The following ENPP6 variants were observed in gnomAD, a reference collection of about 807,000 sequenced individuals.
ENPP6 encodes the protein ectonucleotide pyrophosphatase/phosphodiesterase 6, also known as glycerophosphocholine cholinephosphodiesterase ENPP6.
A neutral mutation model predicts 42.0 loss-of-function variants in ENPP6; 32 were observed. That is an observed-to-expected ratio of 0.76 (90% CI 0.58 to 1.02). ENPP6 has a LOEUF of 1.02. Ranked by LOEUF, ENPP6 falls within the 50% of genes least tolerant of loss-of-function variation. ENPP6 has a pLI of 0.00. For synonymous variants in ENPP6, 213 were observed against 216.0 expected (o/e 0.99, Z 0.12); for missense variants, 552 against 566.8 (o/e 0.97, Z 0.27).
chr4:184,131,187 T>TCTGTCTG (rs1736611313), intron 2 of ENPP6, among the ~76,000 whole-genome samples: 1 of 65,218 alleles, frequency 1.5e-5, no homozygotes, highest in African/African-American at 6.7e-5. Flanking sequence ...CTTTCTTTCT[T>TCTGTCTG]TCTTTCTTTC....
chr4:184,177,893 G>T (rs958806840), intron 1 of ENPP6, among the ~76,000 whole-genome samples: 1 of 151,530 alleles, frequency 6.6e-6, no homozygotes, highest in Non-Finnish European at 1.5e-5. Context: ...AAGACTGAAG[G>T]CAGATAAAGT....
At chr4:184,188,773 C>T (rs1190681593) in intron 1 of ENPP6, among the ~76,000 whole-genome samples, 2 of 152,076 alleles carry the variant, frequency 1.3e-5, no homozygotes, top group Non-Finnish European at 2.9e-5. Flanking sequence ...GTCTCACGCT[C>T]ACACATGAGA....
chr4:184,167,890 C>T (rs1480238826), intron 1 of ENPP6, among the ~76,000 whole-genome samples: 1 of 152,176 alleles, frequency 6.6e-6, no homozygotes, highest in African/African-American at 2.4e-5. Context: ...TATAATCCTC[C>T]TTGGGTGCTC....
chr4:184,131,539 T>C (rs1406197667), intron 2 of ENPP6, among the ~76,000 whole-genome samples: 1 of 149,876 alleles, frequency 6.7e-6, no homozygotes, highest in Admixed American at 6.7e-5. Flanking sequence ...TTTTTTTGTA[T>C]TTTTAGTACA....
chr4:184,112,902 G>A, intron 5 of ENPP6, 93 bp from the exon 6 acceptor site: 2 of 1,334,034 alleles, frequency 1.5e-6, no homozygotes, highest in African/African-American at 1.5e-5. Context: ...TTACGTATAA[G>A]ACCAAAGAAA....
At chr4:184,205,504 G>A (rs977367401) in intron 1 of ENPP6, among the ~76,000 whole-genome samples, 6 of 152,364 alleles carry the variant, frequency 3.9e-5, no homozygotes, top group Middle Eastern at 3.4e-3. Flanking sequence ...TGGTGGGAGC[G>A]AGGCCCCGAA....
At chr4:184,198,412 C>T (rs1732838851) in intron 1 of ENPP6, among the ~76,000 whole-genome samples, 1 of 152,184 alleles carries the variant, frequency 6.6e-6, no homozygotes, top group Admixed American at 6.5e-5. Context: ...AAATGGGAGC[C>T]CTTCCGAGGC....
In ENPP6 at chr4:184,217,759, AG is replaced by A; in HGVS notation, c.60del (p.Ser21LeufsTer34). On this transcript the variant is annotated frameshift_variant, in exon 1 of 8. Transcript: ENST00000296741. LOFTEE classifies it high-confidence loss of function. ...LALALGLAQP[A>X]SARRKLLVFL... ...AACACCAGCAGCTTCCGGCGGGCAG[AG>A]GCTGGCTGGGCCAGGCCCAGGGCAA... The A allele has an allele frequency of 6.2e-7, 1 of 1,614,096 alleles. No homozygotes were observed.
intron 1 of ENPP6, among the ~76,000 whole-genome samples, chr4:184,197,988 C>T (rs1056375707): frequency 2.0e-5 from 3 of 152,030 alleles, no homozygotes; most frequent in Admixed American, 6.6e-5. Flanking sequence ...GTGTTGCTGT[C>T]GGCCTTAAGG....
chr4:184,211,510 C>T (rs2111125157), intron 1 of ENPP6, among the ~76,000 whole-genome samples: 2 of 152,306 alleles, frequency 1.3e-5, no homozygotes, highest in South Asian at 2.1e-4. Context: ...CATTCCTCGA[C>T]ACATACACTC....
intron 1 of ENPP6, among the ~76,000 whole-genome samples, chr4:184,180,396 C>T (rs1163202201): frequency 6.6e-6 from 1 of 152,114 alleles, no homozygotes; most frequent in African/African-American, 2.4e-5. Flanking sequence ...AAGCCCAGGA[C>T]CAGACAGATT....
intron 2 of ENPP6, among the ~76,000 whole-genome samples, chr4:184,130,483 G>A (rs1256681814): frequency 1.2e-5 from 1 of 80,390 alleles, no homozygotes; most frequent in Admixed American, 1.0e-4. Flanking sequence ...GCGTGAACCC[G>A]GGAGGCGGAG....
At chr4:184,104,135 A>C (rs13132377) in intron 6 of ENPP6, among the ~76,000 whole-genome samples, 1 of 152,040 alleles carries the variant, frequency 6.6e-6, no homozygotes, top group Non-Finnish European at 1.5e-5. Flanking sequence ...GCAGCTTCCC[A>C]CCCCACATCT....
At chr4:184,203,528 G>T (rs1732938494) in intron 1 of ENPP6, among the ~76,000 whole-genome samples, 1 of 152,258 alleles carries the variant, frequency 6.6e-6, no homozygotes, top group East Asian at 1.9e-4. Context: ...CAATATGGCT[G>T]GTGTCCTTAC....
intron 2 of ENPP6, among the ~76,000 whole-genome samples, chr4:184,125,738 C>T (rs115538398): frequency 0.014 from 2,195 of 152,210 alleles, 52 homozygotes; most frequent in African/African-American, 0.05. Flanking sequence ...ACTAGAAAAG[C>T]AGGAAGTTTC....
At chr4:184,096,985 T>C (rs1263498570) in intron 7 of ENPP6, among the ~76,000 whole-genome samples, 1 of 152,212 alleles carries the variant, frequency 6.6e-6, no homozygotes, top group Non-Finnish European at 1.5e-5. Flanking sequence ...ATCACAAACA[T>C]GTGGAATACA....
Position 184,116,789 on chromosome 4 carries a change from GAC to G in ENPP6, c.855+65_855+66del, listed in dbSNP as rs541099650. The G allele has an allele frequency of 4.0e-3, 6,210 of 1,567,064 alleles. 17 individuals carry two copies. Among genetic ancestry groups the G allele is most frequent in the Non-Finnish European group, 4.7e-3 (5,451 of 1,155,052 alleles). On this transcript the variant is annotated intron_variant, in intron 5 of 7. Coordinates refer to ENST00000296741, the MANE Select transcript of ENPP6 (RefSeq NM_153343.4). ...CAAAACAAAAAAACTACAAGGAAAA[GAC>G]AGTGCAGATGGCAACACACGAGGGC... is the stretch of plus-strand genomic sequence containing the variant.
intron 7 of ENPP6, among the ~76,000 whole-genome samples, chr4:184,095,489 A>G (rs1735884537): frequency 6.6e-6 from 1 of 151,824 alleles, no homozygotes; most frequent in Non-Finnish European, 1.5e-5. Context: ...GTGAAACCCC[A>G]TCTCTAAGAA....
intron 6 of ENPP6, among the ~76,000 whole-genome samples, chr4:184,098,718 G>T (rs1049961710): frequency 1.3e-5 from 2 of 152,152 alleles, no homozygotes; most frequent in Non-Finnish European, 2.9e-5. Flanking sequence ...GAAATAGAGG[G>T]CTGAGAGAAG....
Sources: allele counts gnomAD v4.1 joint callset (sites outside exome capture counted in the v4.1 genomes callset), GRCh38; gene constraint gnomAD v4.1.1; transcripts MANE v1.5; gene names NCBI Gene and HGNC (gene_info 2026-07-23, HGNC 2026-07-21).